KAZN: variants seen among roughly 807,000 people sequenced by gnomAD.
The protein encoded by KAZN is kazrin, periplakin interacting protein, also known as kazrin.
A neutral mutation model predicts 87.4 loss-of-function variants in KAZN; 40 were observed. That is an observed-to-expected ratio of 0.46 (90% confidence interval 0.36 to 0.60). The LOEUF is 0.60. Among genes scored for constraint, KAZN ranks in the 20% least tolerant of loss-of-function variants. KAZN has a pLI of 0.00. For synonymous variants in KAZN, 466 were observed against 458.3 expected, an observed-to-expected ratio of 1.02 and a Z score of -0.22; for missense variants, 898 against 1,073.9, an observed-to-expected ratio of 0.84 and a Z score of 2.29.
chr1:14,730,645 C>T (rs765357207), intron 1 of KAZN, among the ~76,000 whole-genome samples: 8 of 152,136 alleles, frequency 5.3e-5, no homozygotes, highest in African/African-American at 1.4e-4. Flanking sequence ...CACCCTGTCA[C>T]GCTACCTCTC....
intron 1 of KAZN, among the ~76,000 whole-genome samples, chr1:14,954,959 A>T (rs1158371700): frequency 1.3e-5 from 2 of 152,078 alleles, no homozygotes; most frequent in Non-Finnish European, 2.9e-5. Flanking sequence ...CTCAAAAAAG[A>T]AAAGATAGTC....
At chr1:14,556,928 T>C (rs980942967) in intron 2 of KAZN, among the ~76,000 whole-genome samples, 2 of 152,324 alleles carry the variant, frequency 1.3e-5, no homozygotes, top group Admixed American at 1.3e-4. Flanking sequence ...GTCGCCAAAT[T>C]CAGAAAGCAA....
intron 1 of KAZN, among the ~76,000 whole-genome samples, chr1:13,976,833 AAAGCATCTCTCCTCTATT>A: frequency 6.6e-6 from 1 of 152,294 alleles, no homozygotes; most frequent in Admixed American, 6.5e-5. Flanking sequence ...AGGAGAGATT[AAAGCATCTCTCCTCTATT>A]AAGCATCACC....
intron 2 of KAZN, among the ~76,000 whole-genome samples, chr1:14,995,099 C>T (rs909369180): frequency 1.3e-5 from 2 of 152,198 alleles, no homozygotes; most frequent in African/African-American, 4.8e-5. Flanking sequence ...AGGGCAGCTG[C>T]CCTGGAGGAA....
intron 1 of KAZN, among the ~76,000 whole-genome samples, chr1:14,927,175 G>A (rs911014925): frequency 1.3e-5 from 2 of 152,342 alleles, no homozygotes; most frequent in Non-Finnish European, 2.9e-5. Flanking sequence ...CTGAAGGACG[G>A]ATCATTCCAG....
chr1:14,452,636 G>A (rs1003741747), intron 2 of KAZN, among the ~76,000 whole-genome samples: 10 of 151,836 alleles, frequency 6.6e-5, no homozygotes, highest in African/African-American at 2.4e-4. Flanking sequence ...ACAGGGAAGA[G>A]TCAGATGGAA....
intron 2 of KAZN, among the ~76,000 whole-genome samples, chr1:14,514,585 T>TAAATATATA (rs1671182049): frequency 2.6e-5 from 1 of 37,932 alleles, no homozygotes; most frequent in African/African-American, 8.9e-5. Context: ...TTTATATATT[T>TAAATATATA]TTTTATATTT....
At chr1:14,209,580 A>T (rs1646812012) in intron 2 of KAZN, among the ~76,000 whole-genome samples, 1 of 152,240 alleles carries the variant, frequency 6.6e-6, no homozygotes, top group South Asian at 2.1e-4. Context: ...AGTTTAAATA[A>T]TCAAGGGAGT....
At chr1:15,031,899 C>A (rs901058126) in intron 2 of KAZN, among the ~76,000 whole-genome samples, 11 of 152,110 alleles carry the variant, frequency 7.2e-5, no homozygotes, top group Admixed American at 7.2e-4. Flanking sequence ...TGAGCCAAGG[C>A]GCCCAGCCTT....
At chr1:14,760,564 C>T (rs770046398) in intron 1 of KAZN, among the ~76,000 whole-genome samples, 6 of 152,182 alleles carry the variant, frequency 3.9e-5, no homozygotes, top group Non-Finnish European at 5.9e-5. Flanking sequence ...CCTCCTGCCC[C>T]TTCCAAATTT....
At chr1:14,012,137 T>G (rs1640342974) in intron 1 of KAZN, among the ~76,000 whole-genome samples, 1 of 152,216 alleles carries the variant, frequency 6.6e-6, no homozygotes, top group African/African-American at 2.4e-5. Context: ...TATGGTTGAA[T>G]CTACACTGAG....
intron 1 of KAZN, among the ~76,000 whole-genome samples, chr1:14,634,222 G>A (rs1418251910): frequency 1.3e-5 from 2 of 152,052 alleles, no homozygotes; most frequent in Non-Finnish European, 1.5e-5. Context: ...CACCATATTG[G>A]CACTTGAACT....
chr1:14,073,842 C>G (rs994032566), intron 1 of KAZN, among the ~76,000 whole-genome samples: 11 of 152,144 alleles, frequency 7.2e-5, no homozygotes, highest in Non-Finnish European at 1.3e-4. Context: ...TTATTGTGAA[C>G]AGTGCCGCAA....
rs188134348 is a variant in KAZN, at chr1:14,278,982, G to A, written c.249+98390G>A. 2.0e-3 allele frequency among the ~76,000 whole-genome samples: 265 copies of A among 133,692 alleles called. 1 individual carries two copies. In the Middle Eastern group the frequency reaches 0.03, roughly 15 times the overall value. The allele number at this position is 133,692 out of a possible 152,430, so 87.7% of individuals were successfully genotyped here. On this transcript the variant is annotated intron_variant, in intron 2 of 16. Coordinates refer to the KAZN transcript ENST00000636203. ...AAGACTATTTCCAACATGCCACTGCGTCAATCAGGAGGTAGATAATGTCTG... is the reference window on the plus strand; with the variant it reads ...AAGACTATTTCCAACATGCCACTGCATCAATCAGGAGGTAGATAATGTCTG...
intron 2 of KAZN, among the ~76,000 whole-genome samples, chr1:14,198,023 TAA>T (rs1646563921): frequency 7.3e-5 from 1 of 13,716 alleles, no homozygotes; most frequent in African/African-American, 5.4e-4. Context: ...AAAATCATAG[TAA>T]CAGAGTAGTA....
chr1:15,015,132 T>TTTA (rs1669946702), intron 2 of KAZN, among the ~76,000 whole-genome samples: 8 of 149,320 alleles, frequency 5.4e-5, no homozygotes, highest in African/African-American at 1.7e-4. Context: ...AGTTTTTTCT[T>TTTA]TTTATTTATT....
chr1:14,323,801 G>T (rs143068633), intron 2 of KAZN, among the ~76,000 whole-genome samples: 117 of 152,228 alleles, frequency 7.7e-4, no homozygotes, highest in African/African-American at 2.7e-3. Context: ...GAGGTTTTTA[G>T]CAAAGGAGAT....
At chr1:14,254,066 A>G (rs1043352436) in intron 2 of KAZN, among the ~76,000 whole-genome samples, 1 of 152,128 alleles carries the variant, frequency 6.6e-6, no homozygotes, top group African/African-American at 2.4e-5. Context: ...CATAAAAAAC[A>G]TAAAAATCTG....
At chr1:14,833,846 C>G (rs1415640215) in intron 1 of KAZN, among the ~76,000 whole-genome samples, 3 of 152,000 alleles carry the variant, frequency 2.0e-5, no homozygotes, top group East Asian at 3.9e-4. Context: ...GTGGCCGCCT[C>G]GTTCAGTTCA....
Sources: gnomAD v4.1 joint callset for allele counts (sites outside exome capture counted in the v4.1 genomes callset) on GRCh38, gnomAD v4.1.1 for gene constraint, MANE v1.5 for transcripts, NCBI Gene and HGNC (gene_info 2026-07-23, HGNC 2026-07-21) for gene names.